Variants in AK2 observed in about 807,000 individuals in gnomAD.
AK2 encodes adenylate kinase 2.
AK2 carries 15 observed loss-of-function variants against 24.6 expected under a neutral mutation model. That is an observed-to-expected ratio of 0.61 (90% CI 0.41 to 0.94). The LOEUF (loss-of-function observed/expected upper bound fraction) is 0.94, where lower values mean the gene tolerates loss of function less well. Ranked by LOEUF, AK2 falls within the 40% of genes least tolerant of loss-of-function variation. The pLI, the probability that AK2 is intolerant of heterozygous loss-of-function variation, is 0.00. For missense variants in AK2, 257 were observed against 304.1 expected (o/e 0.85, Z 1.15); for synonymous variants, 102 against 114.0 (o/e 0.90, Z 0.67).
Position 33,036,849 on chromosome 1 carries a change from G to T in AK2, c.-21C>A, listed in dbSNP as rs773486322. 9.5e-6 allele frequency: 15 copies of T among 1,571,128 alleles called. No homozygotes were observed. Among genetic ancestry groups the T allele is most frequent in the Non-Finnish European group, 1.3e-5 (15 of 1,157,774 alleles). ...GCCATGTCCGCCGAAGTCTCTCACT[G>T]CCACCAGTTCGCACGCCTCACAGGT... On this transcript the variant is annotated 5_prime_UTR_variant, in exon 1 of 6. Coordinates refer to ENST00000672715, the MANE Select transcript of AK2 (RefSeq NM_001625.4).
chr1:33,008,980 G>A lies in AK2; in HGVS notation c.*4201C>T, dbSNP rs1360725063. 1 of 454,098 alleles carries A rather than the reference G, an allele frequency of 2.2e-6. No individual in the cohort carries two copies. Among genetic ancestry groups the A allele is most frequent in the Admixed American group, 2.3e-5 (1 of 42,568 alleles). 28.1% of individuals were successfully genotyped at this position (454,098 alleles called of 1,614,324 possible). A position where few individuals can be genotyped will look rare whatever the true frequency, so the allele number is the denominator to read the frequency against. ...ACAATTAGATGCATGATGACCAAGG[G>A]AGGAAAGAAAATTTTCACAGGGTAT... On this transcript the variant is annotated 3_prime_UTR_variant, in exon 6 of 6. Transcript: ENST00000672715.
At chr1:33,016,828 C>T (rs1354321942) in intron 4 of AK2, among the ~76,000 whole-genome samples, 1 of 151,834 alleles carries the variant, frequency 6.6e-6, no homozygotes, top group African/African-American at 2.4e-5. Context: ...GCCTCAGCCT[C>T]CTGAGTAGCT....
chr1:33,011,670 C>G lies in AK2; in HGVS notation c.*1511G>C. ...GACTTTCTAATGGTTTTTCCAGAGG[C>G]TGCCGTTTTTGTGGTCCTTCATAGC... On this transcript the variant is annotated 3_prime_UTR_variant, in exon 6 of 6. Transcript: ENST00000672715. 7.7e-7 allele frequency: 1 copy of G among 1,300,730 alleles called. No individual in the cohort carries two copies. The highest frequency in any genetic ancestry group is 1.0e-6 in the Non-Finnish European group (1 of 998,220). The allele number at this position is 1,300,730 out of a possible 1,614,324, so 80.6% of individuals were successfully genotyped here. A position where few individuals can be genotyped will look rare whatever the true frequency, so the allele number is the denominator to read the frequency against.
Position 33,011,081 on chromosome 1 carries a change from A to G in AK2, c.*2100T>C. The stretch of plus-strand genomic sequence containing the variant: ...TCTTCCAGTTCTTATGGGCAGCCCA[A>G]ATATTACTTGTACATGTTGTATGCA... On this transcript the variant is annotated 3_prime_UTR_variant, in exon 6 of 6. Transcript: ENST00000672715. The G allele has an allele frequency of 6.9e-7, 1 of 1,440,386 alleles. No homozygotes were observed. The highest frequency in any genetic ancestry group is 9.1e-7 in the Non-Finnish European group (1 of 1,102,978). The allele number at this position is 1,440,386 out of a possible 1,614,324, so 89.2% of individuals were successfully genotyped here. A position where few individuals can be genotyped will look rare whatever the true frequency, so the allele number is the denominator to read the frequency against.
In AK2 at chr1:33,011,691, A is replaced by C. The variant is rs946275665; in HGVS notation, c.*1490T>G. 4.6e-6 allele frequency: 6 copies of C among 1,312,012 alleles called. No individual in the cohort carries two copies. The highest frequency in any genetic ancestry group is 1.0e-4 in the East Asian group (2 of 19,578). 81.3% of individuals were successfully genotyped at this position (1,312,012 alleles called of 1,614,324 possible). Reference sequence around the variant, plus strand: ...GAGGCTGCCGTTTTTGTGGTCCTTCATAGCAGTCTGTTACTTCATCTGTTT... The same window carrying C: ...GAGGCTGCCGTTTTTGTGGTCCTTCCTAGCAGTCTGTTACTTCATCTGTTT... On this transcript the variant is annotated 3_prime_UTR_variant, in exon 6 of 6. Transcript: ENST00000672715.
intron 1 of AK2, among the ~76,000 whole-genome samples, chr1:33,036,086 C>T (rs546472402): frequency 6.6e-6 from 1 of 152,296 alleles, no homozygotes; most frequent in Non-Finnish European, 1.5e-5. Flanking sequence ...TGAGCACTCC[C>T]AACCCTTATT....
intron 3 of AK2, 39 bp downstream of exon 3, chr1:33,021,554 G>C: frequency 6.2e-7 from 1 of 1,604,726 alleles, no homozygotes; most frequent in Non-Finnish European, 8.5e-7. Flanking sequence ...ACAAGAATTT[G>C]GTTTCATGCA....
At position 33,036,859 on chromosome 1, in the gene AK2, C is replaced by G. The variant is rs371700107; in HGVS notation, c.-31G>C. 1.5e-4 allele frequency: 229 copies of G among 1,552,304 alleles called. 1 individual carries two copies. In the African/African-American group the frequency reaches 2.7e-3, roughly 18 times the overall value. ...CCGAAGTCTCTCACTGCCACCAGTT[C>G]GCACGCCTCACAGGTCCAGTGCTTC... On this transcript the variant is annotated 5_prime_UTR_variant, in exon 1 of 6. Coordinates refer to ENST00000672715, the MANE Select transcript of AK2 (RefSeq NM_001625.4).
intron 1 of AK2, chr1:33,031,530 G>A (rs1368762513): frequency 6.6e-6 from 3 of 454,784 alleles, no homozygotes; most frequent in African/African-American, 4.0e-5. Context: ...CACACGGTAG[G>A]AGAAAAATCT....
intron 1 of AK2, among the ~76,000 whole-genome samples, chr1:33,036,463 C>G (rs1286392678): frequency 6.6e-6 from 1 of 152,224 alleles, no homozygotes; most frequent in Non-Finnish European, 1.5e-5. Context: ...TTTCCAGTCT[C>G]TAGACCCTTA....
intron 2 of AK2, among the ~76,000 whole-genome samples, chr1:33,022,112 G>A (rs1381873437): frequency 6.6e-6 from 1 of 152,104 alleles, no homozygotes; most frequent in Non-Finnish European, 1.5e-5. Flanking sequence ...GGAAATGTGA[G>A]GACAAATGGC....
At chr1:33,023,649 C>T (rs1170904330) in intron 2 of AK2, among the ~76,000 whole-genome samples, 1 of 152,084 alleles carries the variant, frequency 6.6e-6, no homozygotes, top group Non-Finnish European at 1.5e-5. Context: ...GAAGTAATTG[C>T]TTTGTTACAG....
At chr1:33,017,303 C>T (rs1469553085) in intron 4 of AK2, among the ~76,000 whole-genome samples, 1 of 152,170 alleles carries the variant, frequency 6.6e-6, no homozygotes, top group African/African-American at 2.4e-5. Context: ...CCTGTGACTG[C>T]AGTCATGTAC....
chr1:33,010,690 A>C lies in AK2; in HGVS notation c.*2491T>G. On this transcript the variant is annotated 3_prime_UTR_variant, in exon 6 of 6. Coordinates refer to ENST00000672715, the MANE Select transcript of AK2 (RefSeq NM_001625.4). ...ACTACAATAACACTGCTGTTGTTCC[A>C]AGTATTCCTCTGAGCCCCTCACCAG... is the stretch of plus-strand genomic sequence containing the variant. The C allele has an allele frequency of 6.2e-7, 1 of 1,600,654 alleles. No individual in the cohort carries two copies. Among genetic ancestry groups the C allele is most frequent in the African/African-American group, 1.3e-5 (1 of 74,808 alleles).
chr1:33,014,648 C>T, intron 4 of AK2, 54 bp from the exon 5 acceptor site: 1 of 1,473,182 alleles, frequency 6.8e-7, no homozygotes, highest in Non-Finnish European at 9.5e-7. Flanking sequence ...CGCGCCTGCA[C>T]TCCACTCTAG....
chr1:33,014,638 C>T (rs371983494), intron 4 of AK2, 44 bp from the exon 5 acceptor site: 149 of 1,522,194 alleles, frequency 9.8e-5, no homozygotes, highest in South Asian at 5.3e-4. Context: ...ACTGACAGTA[C>T]GCGCCTGCAC....
intron 1 of AK2, among the ~76,000 whole-genome samples, chr1:33,025,543 A>G (rs2124351223): frequency 1.3e-5 from 2 of 152,356 alleles, no homozygotes; most frequent in Middle Eastern, 6.8e-3. Context: ...TAGCTGAGAT[A>G]TATACAAAGA....
chr1:33,021,642 TTTTTGC>T lies in AK2; in HGVS notation c.275_280del (p.Cys92_Asn94delinsTyr). 1 of 1,614,156 alleles carries T rather than the reference TTTTTGC, an allele frequency of 6.2e-7. No individual in the cohort carries two copies. The highest frequency in any genetic ancestry group is 8.5e-7 in the Non-Finnish European group (1 of 1,180,016). On this transcript the variant is annotated inframe_deletion, in exon 3 of 6. Coordinates refer to ENST00000672715, the MANE Select transcript of AK2 (RefSeq NM_001625.4). ...AGGGAAGCCATCCAGAAGAAAACCA[TTTTTGC>T]ACAAGGGGGTCTCCAAATTCTTCTC...
At chr1:33,021,852 A>G in intron 2 of AK2, 149 bp from the exon 3 acceptor site, 1 of 689,924 alleles carries the variant, frequency 1.4e-6, no homozygotes, top group Non-Finnish European at 2.6e-6. Flanking sequence ...AATAAAAGCA[A>G]ACGTGAAATG....
Sources: allele counts gnomAD v4.1 joint callset (sites outside exome capture counted in the v4.1 genomes callset), GRCh38; gene constraint gnomAD v4.1.1; transcripts MANE v1.5; gene names NCBI Gene and HGNC (gene_info 2026-07-23, HGNC 2026-07-21).